FANCA: variants seen among roughly 807,000 people sequenced by gnomAD.
FANCA encodes the protein FA complementation group A, also known as Fanconi anemia group A protein.
In FANCA, 236 loss-of-function variants were observed where a neutral mutation model predicts 194.3. That is an observed-to-expected ratio of 1.21 (90% CI 1.09 to 1.35). FANCA has a LOEUF of 1.35. Among genes scored for constraint, FANCA ranks in the 40% most tolerant of loss-of-function variants. The probability of loss-of-function intolerance (pLI) is 0.00; values close to 1 mark genes in which losing one functional copy is unlikely to be tolerated. For synonymous variants in FANCA, 1,014 were observed against 715.8 expected (o/e 1.42, Z -6.65); for missense variants, 2,628 against 1,813.9 (o/e 1.45, Z -8.15).
intron 31 of FANCA, among the ~76,000 whole-genome samples, chr16:89,750,833 C>T (rs1284862660): frequency 6.6e-6 from 1 of 152,144 alleles, no homozygotes; most frequent in Non-Finnish European, 1.5e-5. Flanking sequence ...GTGCCCTTCA[C>T]CCAGATTAAC....
At chr16:89,749,085 C>T (rs910894508) in intron 32 of FANCA, among the ~76,000 whole-genome samples, 1 of 152,226 alleles carries the variant, frequency 6.6e-6, no homozygotes, top group Non-Finnish European at 1.5e-5. Flanking sequence ...AAGCAATTCC[C>T]TATGACTGTA....
At chr16:89,759,488 G>C (rs2038877334) in intron 29 of FANCA, among the ~76,000 whole-genome samples, 1 of 151,798 alleles carries the variant, frequency 6.6e-6, no homozygotes, top group South Asian at 2.1e-4. Context: ...ACTCAAAACT[G>C]CAGTGGCTAC....
chr16:89,758,771 G>A (rs2038847276), intron 29 of FANCA, 66 bp from the exon 30 acceptor site: 13 of 1,601,318 alleles, frequency 8.1e-6, no homozygotes, highest in Middle Eastern at 1.8e-4. Flanking sequence ...CCCATAACCA[G>A]GGAATAGGCC....
intron 28 of FANCA, among the ~76,000 whole-genome samples, 154 bp from the exon 29 acceptor site, chr16:89,762,176 C>A (rs1390212509): frequency 1.3e-5 from 2 of 152,304 alleles, no homozygotes; most frequent in Non-Finnish European, 2.9e-5. Context: ...AGGAAAGAAA[C>A]CTTAGTTTTA....
chr16:89,799,108 T>A lies in FANCA; in HGVS notation c.893+58A>T, dbSNP rs199624319. ...GAAGTGTTTAAAATATCTTGGCTCTTTAATTTGGCAGACACCTCCCTGCTG... is the reference window on the plus strand; with the variant it reads ...GAAGTGTTTAAAATATCTTGGCTCTATAATTTGGCAGACACCTCCCTGCTG... On this transcript the variant is annotated intron_variant, in intron 10 of 42. Transcript: ENST00000389301. 2,479 of 1,614,188 alleles carry A rather than the reference T, an allele frequency of 1.5e-3. 1 individual carries two copies. The highest frequency in any genetic ancestry group is 2.0e-3 in the Non-Finnish European group (2,342 of 1,180,040).
At chr16:89,810,130 G>A (rs886260924) in intron 5 of FANCA, among the ~76,000 whole-genome samples, 1 of 151,948 alleles carries the variant, frequency 6.6e-6, no homozygotes, top group South Asian at 2.1e-4. Context: ...AGACCATCCT[G>A]GCTAACACGG....
intron 8 of FANCA, among the ~76,000 whole-genome samples, chr16:89,802,825 T>C (rs929197138): frequency 2.0e-5 from 3 of 152,028 alleles, no homozygotes; most frequent in Non-Finnish European, 4.4e-5. Context: ...TTATCACAAA[T>C]ATGTGGGAGC....
chr16:89,747,810 C>T (rs2038442762), intron 33 of FANCA, among the ~76,000 whole-genome samples: 1 of 152,154 alleles, frequency 6.6e-6, no homozygotes, highest in Non-Finnish European at 1.5e-5. Context: ...AAGAAAAAGG[C>T]CTTCGGGAGC....
chr16:89,748,255 A>C (rs367768001), intron 33 of FANCA, among the ~76,000 whole-genome samples: 2 of 152,244 alleles, frequency 1.3e-5, no homozygotes, highest in African/African-American at 4.8e-5. Flanking sequence ...TCTAAAATGG[A>C]AGATAACTGG....
intron 26 of FANCA, among the ~76,000 whole-genome samples, chr16:89,768,592 G>T (rs1451719742): frequency 1.3e-5 from 2 of 151,858 alleles, no homozygotes; most frequent in African/African-American, 4.8e-5. Flanking sequence ...GGAGGCGGAG[G>T]TTACAGTGAG....
In FANCA at chr16:89,761,984, A is replaced by C. The variant is rs769970040; in HGVS notation, c.2817T>G (p.Ile939Met). The C allele has an allele frequency of 1.9e-6, 3 of 1,614,126 alleles. No homozygotes were observed. In the Admixed American group the frequency reaches 5.0e-5, roughly 27 times the overall value. ...CTGAAAGAGCATCAGCTTCAGGTTGAATTTCCAGCTCCAGGTGTAACCAGT... is the reference window on the plus strand; with the variant it reads ...CTGAAAGAGCATCAGCTTCAGGTTGCATTTCCAGCTCCAGGTGTAACCAGT... ...YQDWLHLELE[I>M]QPEADALSDT... The change falls in exon 29 of 43, where the codon ATT (isoleucine) becomes ATG (methionine). Residue 939 changes from isoleucine to methionine, a missense_variant. By Grantham distance (10) the Ile-to-Met change is conservative. Coordinates refer to ENST00000389301, the MANE Select transcript of FANCA (RefSeq NM_000135.4).
At chr16:89,778,257 G>A (rs1396014252) in intron 20 of FANCA, 1 of 207,522 alleles carries the variant, frequency 4.8e-6, no homozygotes, top group African/African-American at 2.4e-5. Flanking sequence ...TCTGAGCTCA[G>A]GAGTTTGAGA....
At chr16:89,753,030 C>A (rs963443117) in intron 30 of FANCA, among the ~76,000 whole-genome samples, 1 of 152,188 alleles carries the variant, frequency 6.6e-6, no homozygotes, top group Non-Finnish European at 1.5e-5. Flanking sequence ...GCTCCTAGTC[C>A]ACCTTCATGT....
intron 11 of FANCA, among the ~76,000 whole-genome samples, chr16:89,795,200 G>A (rs749603794): frequency 4.5e-4 from 69 of 151,826 alleles, no homozygotes; most frequent in Non-Finnish European, 9.3e-4. Context: ...CAGGAGAATG[G>A]TTTGAACCCG....
chr16:89,803,213 AG>A (rs1449843313), intron 8 of FANCA, 45 bp downstream of exon 8: 2 of 1,553,120 alleles, frequency 1.3e-6, no homozygotes, highest in Non-Finnish European at 1.8e-6. Context: ...ACTTGGAATA[AG>A]GACGGCTCCT....
At chr16:89,773,158 C>G in intron 22 of FANCA, 113 bp downstream of exon 22, 1 of 839,384 alleles carries the variant, frequency 1.2e-6, no homozygotes, top group Non-Finnish European at 1.9e-6. Flanking sequence ...AACTACTGGA[C>G]TACTAGGAAG....
Position 89,799,177 on chromosome 16 carries a change from G to A in FANCA, c.882C>T (p.Ile294=), listed in dbSNP as rs754520622. The A allele has an allele frequency of 7.4e-6, 12 of 1,614,026 alleles. No homozygotes were observed. The highest frequency in any genetic ancestry group is 6.6e-5 in the South Asian group (6 of 91,088). ...CCTCAGGAACATACCAGCACCTCAC[G>A]ATCTTGTGAGTGGAGGACTCCTCCT... ...GVQEESSTHK[I]VRCWFGVFSG... is the part of the protein sequence containing the mutation. The change falls in exon 10 of 43, where the codon ATC becomes ATT. Residue 294 remains isoleucine (I), a synonymous_variant. Transcript: ENST00000389301.
chr16:89,743,227 G>A (rs917154327), intron 36 of FANCA, among the ~76,000 whole-genome samples: 1 of 152,308 alleles, frequency 6.6e-6, no homozygotes, highest in Admixed American at 6.5e-5. Context: ...GGCCCCAGCT[G>A]CCTACATTTT....
At position 89,783,038 on chromosome 16, in the gene FANCA, G is replaced by A. The variant is rs2039774778; in HGVS notation, c.1535C>T (p.Ser512Leu). 1 of 1,613,820 alleles carries A rather than the reference G, an allele frequency of 6.2e-7. No homozygotes were observed. The highest frequency in any genetic ancestry group is 1.7e-5 in the Admixed American group (1 of 59,954). The change falls in exon 16 of 43, where the codon TCA (serine) becomes TTA (leucine). Residue 512 changes from serine to leucine, a missense_variant. Transcript: ENST00000389301. ...KYRSLLTDYISLAKTRLADLK... is the reference protein window; with the variant it reads ...KYRSLLTDYILLAKTRLADLK... ...GTCGGCCAGCCGTGTCTTGGCCAAT[G>A]AGATGTAGTCTGTGAGGAGGGAGCG...
Sources: allele counts gnomAD v4.1 joint callset (sites outside exome capture counted in the v4.1 genomes callset), GRCh38; gene constraint gnomAD v4.1.1; transcripts MANE v1.5; gene names NCBI Gene and HGNC (gene_info 2026-07-23, HGNC 2026-07-21).